The following ANO3 variants were observed in gnomAD, a reference collection of about 807,000 sequenced individuals.
ANO3 encodes anoctamin-3.
In ANO3, 99 loss-of-function variants were observed where a neutral mutation model predicts 144.8. That is an observed-to-expected ratio of 0.68 (90% CI 0.58 to 0.81). The LOEUF (loss-of-function observed/expected upper bound fraction) is 0.81, where lower values mean the gene tolerates loss of function less well. Ranked by LOEUF, ANO3 falls within the 30% of genes least tolerant of loss-of-function variation. The probability of loss-of-function intolerance (pLI) is 0.00; values close to 1 mark genes in which losing one functional copy is unlikely to be tolerated. For synonymous variants in ANO3, 414 were observed against 392.6 expected (o/e 1.05, Z -0.64); for missense variants, 905 against 1,202.2 (o/e 0.75, Z 3.66).
At chr11:26,363,680 C>T (rs991285768) in intron 1 of ANO3, among the ~76,000 whole-genome samples, 1 of 152,120 alleles carries the variant, frequency 6.6e-6, no homozygotes, top group African/African-American at 2.4e-5. Context: ...GAGTCCACGC[C>T]TATGCTTTAT....
At chr11:26,480,600 GA>G (rs1443753347) in intron 4 of ANO3, among the ~76,000 whole-genome samples, 1 of 152,108 alleles carries the variant, frequency 6.6e-6, no homozygotes, top group Non-Finnish European at 1.5e-5. Context: ...TTGAGGTAAG[GA>G]GTTTGAGAAC....
chr11:26,534,479 C>A lies in ANO3; in HGVS notation c.893C>A (p.Thr298Asn). ...IHHFIINNKD[T>N]FFSNATRSRI... Reference sequence around the variant, plus strand: ...AGCTTCATAATAAATAATAAAGACACCTTCTTCAGCAATGCTACTCGAAGC... The same window carrying A: ...AGCTTCATAATAAATAATAAAGACAACTTCTTCAGCAATGCTACTCGAAGC... The change falls in exon 9 of 27, where the codon ACC becomes AAC. Residue 298 changes from threonine (T) to asparagine (N), a missense_variant. By Grantham distance (65) the Thr-to-Asn change is moderately conservative. This residue lies in a region of ANO3 where 597 missense variants were observed against 865.1 expected (regional missense o/e 0.69). Transcript: ENST00000256737. 1 of 1,612,238 alleles carries A rather than the reference C, an allele frequency of 6.2e-7. No individual in the cohort carries two copies. Among genetic ancestry groups the A allele is most frequent in the Non-Finnish European group, 8.5e-7 (1 of 1,178,770 alleles).
In ANO3 at chr11:26,290,145, G is replaced by A. The variant is rs140353434; in HGVS notation, c.155-19500G>A. ...CTTCCTGGTTTAGTCTTGGGAGGGC[G>A]TATGTGTCCAGGAATGTATCCATTT... On this transcript the variant is annotated intron_variant, in intron 1 of 27. Transcript: ENST00000672621. Among the ~76,000 whole-genome samples the A allele has an allele frequency of 1.9e-3, 282 of 152,182 alleles. 1 individual carries two copies. The highest frequency in any genetic ancestry group is 6.5e-3 in the African/African-American group (269 of 41,534).
At chr11:26,600,465 CTCCTCCCCTCCCCTCCCCTCT>C (rs1851771238) in intron 17 of ANO3, among the ~76,000 whole-genome samples, 1 of 50,446 alleles carries the variant, frequency 2.0e-5, no homozygotes, top group Non-Finnish European at 4.0e-5. Flanking sequence ...TTCTCCTTTC[CTCCTCCCCTCCCCTCCCCTCT>C]TCCCCTCCCC....
intron 1 of ANO3, among the ~76,000 whole-genome samples, chr11:26,216,118 A>G (rs1852031521): frequency 6.6e-6 from 1 of 152,064 alleles, no homozygotes; most frequent in Non-Finnish European, 1.5e-5. Flanking sequence ...AGGCTTTGGT[A>G]TAATACGTTA....
rs374076375 is a variant in ANO3, at chr11:26,642,067, T to C, written c.2275+38T>C. On this transcript the variant is annotated intron_variant, in intron 22 of 26. Transcript: ENST00000256737. The stretch of plus-strand genomic sequence containing the variant: ...AATCTGCAGGACTATTTGGCCTTCT[T>C]GATACAATTTTTCTACTTCACAGAA... The C allele has an allele frequency of 2.5e-6, 4 of 1,588,772 alleles. No homozygotes were observed. In the African/African-American group the frequency reaches 5.4e-5, roughly 22 times the overall value.
chr11:26,311,221 CTAAG>C (rs1854495710), intron 1 of ANO3, among the ~76,000 whole-genome samples: 1 of 152,128 alleles, frequency 6.6e-6, no homozygotes, highest in Non-Finnish European at 1.5e-5. Flanking sequence ...GGTTCATTGA[CTAAG>C]TCTATTGTGT....
At chr11:26,299,076 G>A (rs1004121978) in intron 1 of ANO3, among the ~76,000 whole-genome samples, 2 of 152,184 alleles carry the variant, frequency 1.3e-5, no homozygotes, top group African/African-American at 2.4e-5. Context: ...CCATGAGACA[G>A]GATGAAATTA....
chr11:26,427,040 C>G (rs1392436084), intron 1 of ANO3: 1 of 158,150 alleles, frequency 6.3e-6, no homozygotes, highest in African/African-American at 2.4e-5. Context: ...CCCAAAGGAG[C>G]CCTGTGCTGA....
At chr11:26,290,441 C>T (rs1471009607) in intron 1 of ANO3, among the ~76,000 whole-genome samples, 2 of 152,036 alleles carry the variant, frequency 1.3e-5, no homozygotes, top group Non-Finnish European at 2.9e-5. Flanking sequence ...TTATTTCCTG[C>T]CTTCTGCTAG....
At chr11:26,510,273 C>T (rs533768092) in intron 5 of ANO3, among the ~76,000 whole-genome samples, 196 of 152,092 alleles carry the variant, frequency 1.3e-3, no homozygotes, top group African/African-American at 4.6e-3. Context: ...CTTAGAGTTA[C>T]AGAGCCCAGC....
chr11:26,215,477 A>G (rs1388876667), intron 1 of ANO3, among the ~76,000 whole-genome samples: 1 of 151,840 alleles, frequency 6.6e-6, no homozygotes, highest in Admixed American at 6.6e-5. Flanking sequence ...CTATTGGGAC[A>G]TTCCTTACTT....
intron 1 of ANO3, among the ~76,000 whole-genome samples, chr11:26,251,601 T>C (rs1298105521): frequency 6.6e-6 from 1 of 152,198 alleles, no homozygotes; most frequent in Non-Finnish European, 1.5e-5. Context: ...TTAGTGAGTG[T>C]ATCAGTCCAT....
chr11:26,272,944 T>C (rs747792785), intron 1 of ANO3, among the ~76,000 whole-genome samples: 1 of 152,194 alleles, frequency 6.6e-6, no homozygotes, highest in Non-Finnish European at 1.5e-5. Flanking sequence ...ATACTTAACA[T>C]TGCTGCTAGC....
intron 1 of ANO3, among the ~76,000 whole-genome samples, chr11:26,392,517 T>C (rs1488192119): frequency 2.6e-5 from 4 of 152,068 alleles, no homozygotes; most frequent in Admixed American, 6.6e-5. Context: ...TATTATGTTT[T>C]CAAAGGGCTT....
chr11:26,361,393 T>C (rs1025506111), intron 1 of ANO3, among the ~76,000 whole-genome samples: 6 of 152,214 alleles, frequency 3.9e-5, no homozygotes, highest in Non-Finnish European at 8.8e-5. Flanking sequence ...CTATTCTTTT[T>C]TGTAATATTT....
intron 7 of ANO3, 49 bp from the exon 8 acceptor site, chr11:26,531,156 G>C (rs201915588): frequency 1.2e-6 from 2 of 1,603,704 alleles, no homozygotes; most frequent in Non-Finnish European, 1.7e-6. Flanking sequence ...AGGTAGTCAT[G>C]GCTTTGGAAT....
intron 14 of ANO3, chr11:26,562,973 A>C: frequency 8.4e-7 from 1 of 1,185,112 alleles, no homozygotes; most frequent in Non-Finnish European, 1.1e-6. Context: ...TTTGATAAAC[A>C]GAAGGTGGAT....
intron 1 of ANO3, among the ~76,000 whole-genome samples, chr11:26,389,917 G>A (rs1856832206): frequency 6.6e-6 from 1 of 151,968 alleles, no homozygotes; most frequent in Non-Finnish European, 1.5e-5. Context: ...CCTCTACTAC[G>A]TGCCTCCAGA....
Sources: allele counts gnomAD v4.1 joint callset (sites outside exome capture counted in the v4.1 genomes callset), GRCh38; gene constraint gnomAD v4.1.1; regional missense constraint gnomAD v4.1.1; transcripts MANE v1.5; gene names NCBI Gene and HGNC (gene_info 2026-07-23, HGNC 2026-07-21).